Variants in ABLIM1 observed in about 807,000 individuals in gnomAD.
ABLIM1 encodes the protein actin-binding LIM protein 1.
In ABLIM1, 40 loss-of-function variants were observed where a neutral mutation model predicts 107.0. The ratio of observed to expected loss-of-function variants is 0.37; its 90% CI spans 0.29 to 0.49. The LOEUF (loss-of-function observed/expected upper bound fraction) is 0.49, where lower values mean the gene tolerates loss of function less well. ABLIM1 is among the 20% of genes least tolerant of loss of function. The pLI is 0.97. For synonymous variants in ABLIM1, 357 were observed against 357.3 expected (o/e 1.00, Z 0.01); for missense variants, 857 against 1,008.5 (o/e 0.85, Z 2.04).
intron 1 of ABLIM1, among the ~76,000 whole-genome samples, chr10:114,747,712 T>C (rs1490805802): frequency 2.0e-5 from 3 of 152,222 alleles, no homozygotes; most frequent in Non-Finnish European, 4.4e-5. Context: ...GTCCTCAAAG[T>C]CTACAAAGAG....
chr10:114,517,409 G>C (rs1319612569), intron 6 of ABLIM1, among the ~76,000 whole-genome samples: 1 of 152,050 alleles, frequency 6.6e-6, no homozygotes, highest in Non-Finnish European at 1.5e-5. Context: ...TGGAAGCCAG[G>C]GGACAGGATG....
chr10:114,785,561 G>C, the ABLIM1 span, among the ~76,000 whole-genome samples: 1 of 152,068 alleles, frequency 6.6e-6, no homozygotes, highest in Non-Finnish European at 1.5e-5. Context: ...CATGGGTGTA[G>C]ATGAAATAGA....
At chr10:114,526,855 C>G in intron 6 of ABLIM1, 1 of 985,458 alleles carries the variant, frequency 1.0e-6, no homozygotes, top group African/African-American at 1.7e-5. Context: ...ACGTGCATCC[C>G]TCTAGAGACG....
chr10:114,437,718 T>C (rs1482092114), intron 22 of ABLIM1, 126 bp downstream of exon 22: 8 of 766,590 alleles, frequency 1.0e-5, no homozygotes, highest in Non-Finnish European at 2.2e-6. Flanking sequence ...GTTCTACCTA[T>C]GACATGAGGG....
At chr10:114,609,374 T>C (rs946155972) in intron 1 of ABLIM1, among the ~76,000 whole-genome samples, 3 of 152,226 alleles carry the variant, frequency 2.0e-5, no homozygotes, top group East Asian at 1.9e-4. Context: ...ACTTGACCCA[T>C]ACGGCATAGC....
chr10:114,796,210 T>C, the ABLIM1 span, among the ~76,000 whole-genome samples: 1 of 152,178 alleles, frequency 6.6e-6, no homozygotes, highest in African/African-American at 2.4e-5. Flanking sequence ...ACAACAAACA[T>C]ATTATCTCAC....
intron 6 of ABLIM1, among the ~76,000 whole-genome samples, chr10:114,543,512 C>T (rs1165188421): frequency 6.6e-6 from 1 of 152,204 alleles, no homozygotes; most frequent in East Asian, 1.9e-4. Flanking sequence ...TTGGATACAC[C>T]ACATGTTGTT....
At chr10:114,492,235 T>C (rs888120111) in intron 6 of ABLIM1, among the ~76,000 whole-genome samples, 1 of 152,152 alleles carries the variant, frequency 6.6e-6, no homozygotes, top group African/African-American at 2.4e-5. Context: ...ATGCTGTTTC[T>C]AACAAACCAA....
chr10:114,631,969 T>G, intron 1 of ABLIM1: 2 of 1,302,882 alleles, frequency 1.5e-6, no homozygotes, highest in Admixed American at 2.3e-5. Flanking sequence ...AGGAATAAAC[T>G]CTGGGAGTGG....
chr10:114,447,863 C>A lies in ABLIM1; in HGVS notation c.1735+17G>T, dbSNP rs1429454318. On this transcript the variant is annotated intron_variant, in intron 15 of 22. Transcript: ENST00000533213. ...CTAGCAGTTTGTCCCTTTGACTTAG[C>A]CGTGACAGTTGCATACCTACGACAG... 6.2e-7 allele frequency: 1 copy of A among 1,613,888 alleles called. No individual in the cohort carries two copies. Among genetic ancestry groups the A allele is most frequent in the South Asian group, 1.1e-5 (1 of 91,042 alleles).
chr10:114,742,702 G>A (rs973114312), intron 1 of ABLIM1, among the ~76,000 whole-genome samples: 1 of 152,176 alleles, frequency 6.6e-6, no homozygotes, highest in Non-Finnish European at 1.5e-5. Flanking sequence ...GCTGAGGCAG[G>A]CAGATCACTT....
intron 1 of ABLIM1, among the ~76,000 whole-genome samples, chr10:114,654,356 C>T (rs758550376): frequency 1.3e-5 from 2 of 152,174 alleles, no homozygotes; most frequent in Non-Finnish European, 2.9e-5. Context: ...ATGACTAATG[C>T]TGACTATATT....
At chr10:114,671,289 G>T (rs11819151) in intron 1 of ABLIM1, among the ~76,000 whole-genome samples, 2,406 of 152,158 alleles carry the variant, frequency 0.016, 60 homozygotes, top group African/African-American at 0.054. Context: ...TTTATTTCTG[G>T]ATAATATTCC....
At chr10:114,511,612 G>A (rs1037499737) in intron 6 of ABLIM1, among the ~76,000 whole-genome samples, 16 of 151,962 alleles carry the variant, frequency 1.1e-4, no homozygotes, top group African/African-American at 3.4e-4. Flanking sequence ...TGATCCACCC[G>A]CCTCAGCCTC....
chr10:114,771,229 T>C (rs185831994), upstream of ABLIM1, among the ~76,000 whole-genome samples: 1 of 152,346 alleles, frequency 6.6e-6, no homozygotes, highest in African/African-American at 2.4e-5. Context: ...GGCAAATTCC[T>C]AATAATGAAC....
chr10:114,734,787 G>A (rs2082145920), intron 1 of ABLIM1, among the ~76,000 whole-genome samples: 1 of 152,170 alleles, frequency 6.6e-6, no homozygotes, highest in Non-Finnish European at 1.5e-5. Context: ...CCTGAGGGTT[G>A]GGTTTCTTTG....
At chr10:114,631,918 G>A in intron 1 of ABLIM1, 1 of 1,304,406 alleles carries the variant, frequency 7.7e-7, no homozygotes, top group Non-Finnish European at 1.0e-6. Flanking sequence ...CCTTCACCAT[G>A]GCAACCGGGT....
At chr10:114,439,334 T>C (rs1306376506) in intron 20 of ABLIM1, 84 bp from the exon 21 acceptor site, 5 of 1,388,642 alleles carry the variant, frequency 3.6e-6, no homozygotes, top group Non-Finnish European at 2.0e-6. Context: ...CAATTCCCTG[T>C]TGGGTCTCCA....
At chr10:114,490,809 C>G (rs1219756071) in intron 7 of ABLIM1, among the ~76,000 whole-genome samples, 2 of 149,622 alleles carry the variant, frequency 1.3e-5, no homozygotes, top group Non-Finnish European at 3.0e-5. Context: ...TATATGTATG[C>G]TTATTTTTTT....
Sources: gnomAD v4.1 joint callset for allele counts (sites outside exome capture counted in the v4.1 genomes callset) on GRCh38, gnomAD v4.1.1 for gene constraint, MANE v1.5 for transcripts, NCBI Gene and HGNC (gene_info 2026-07-23, HGNC 2026-07-21) for gene names.